PALLD: variants seen among roughly 807,000 people sequenced by gnomAD.
The protein encoded by PALLD is palladin, cytoskeletal associated protein, also known as palladin.
PALLD carries 61 observed loss-of-function variants against 123.5 expected under a neutral mutation model. The ratio of observed to expected loss-of-function variants is 0.49; its 90% CI spans 0.40 to 0.61. The LOEUF (loss-of-function observed/expected upper bound fraction) is 0.61. Among genes scored for constraint, PALLD ranks in the 20% least tolerant of loss-of-function variants. PALLD has a pLI of 0.00. For synonymous variants in PALLD, 465 were observed against 496.4 expected (o/e 0.94, Z 0.84); for missense variants, 1,273 against 1,377.0 (o/e 0.92, Z 1.20).
At chr4:168,771,973 ATAAT>A (rs1734519070) in intron 10 of PALLD, among the ~76,000 whole-genome samples, 4 of 152,322 alleles carry the variant, frequency 2.6e-5, no homozygotes, top group Middle Eastern at 3.4e-3. Context: ...TTTTCTATTA[ATAAT>A]TAACCATTTT....
At chr4:168,802,627 TG>T (rs142349410) in intron 10 of PALLD, among the ~76,000 whole-genome samples, 7,937 of 152,174 alleles carry the variant, frequency 0.052, 708 homozygotes, top group African/African-American at 0.18. Context: ...ATGTAACTAC[TG>T]TTTGATAAAA....
At chr4:168,759,179 C>CAAAAAA (rs1175955888) in intron 10 of PALLD, among the ~76,000 whole-genome samples, 4 of 9,046 alleles carry the variant, frequency 4.4e-4, no homozygotes, top group Non-Finnish European at 4.5e-4. Flanking sequence ...GACTCCATCT[C>CAAAAAA]AAAAAAAAAA....
chr4:168,793,810 A>G, intron 10 of PALLD, among the ~76,000 whole-genome samples: 1 of 152,154 alleles, frequency 6.6e-6, no homozygotes, highest in Non-Finnish European at 1.5e-5. Flanking sequence ...GAGACCTCAT[A>G]GCTTTCTAGT....
At chr4:168,720,898 A>AT (rs1201279001) in intron 10 of PALLD, among the ~76,000 whole-genome samples, 2 of 152,168 alleles carry the variant, frequency 1.3e-5, no homozygotes, top group Admixed American at 6.5e-5. Flanking sequence ...CATCCTCATG[A>AT]TTTTTTAATG....
At chr4:168,896,632 CT>C in intron 13 of PALLD, 33 bp downstream of exon 13, 2 of 1,254,532 alleles carry the variant, frequency 1.6e-6, no homozygotes, top group South Asian at 1.3e-5. Context: ...TCCTTCCAGT[CT>C]TTCTCTGTGT....
At chr4:168,609,196 A>G (rs539266385) in intron 2 of PALLD, among the ~76,000 whole-genome samples, 212 of 152,130 alleles carry the variant, frequency 1.4e-3, no homozygotes, top group Non-Finnish European at 2.5e-3. Context: ...AGTGGCTTAC[A>G]TTAATAGGGG....
chr4:168,830,007 G>A lies in PALLD; in HGVS notation c.1965-60915G>A, dbSNP rs1283511004. 2.6e-5 allele frequency among the ~76,000 whole-genome samples: 4 copies of A among 152,118 alleles called. No homozygotes were observed. The East Asian group carries it at 5.8e-4, about 22-fold the overall frequency. Reference sequence around the variant, plus strand: ...AGCACTTTGGGAGGCCAAGGCAGGCGGATCACTTGAGGTCAGGAGTTCAAG... The same window carrying A: ...AGCACTTTGGGAGGCCAAGGCAGGCAGATCACTTGAGGTCAGGAGTTCAAG... On this transcript the variant is annotated intron_variant, in intron 10 of 21. Transcript: ENST00000505667.
At chr4:168,545,477 C>T (rs184179840) in intron 2 of PALLD, among the ~76,000 whole-genome samples, 10 of 151,694 alleles carry the variant, frequency 6.6e-5, no homozygotes, top group Non-Finnish European at 1.3e-4. Context: ...TGCAGTGAGC[C>T]GAGATTGCAC....
At chr4:168,916,682 T>TCC (rs1233150824) in intron 17 of PALLD, among the ~76,000 whole-genome samples, 6 of 81,608 alleles carry the variant, frequency 7.4e-5, no homozygotes, top group South Asian at 5.7e-4. Flanking sequence ...CATTTTCTAA[T>TCC]TCTTTTTTTT....
chr4:168,626,438 T>C (rs1350187057), intron 2 of PALLD, among the ~76,000 whole-genome samples: 2 of 140,092 alleles, frequency 1.4e-5, no homozygotes, highest in African/African-American at 2.7e-5. Flanking sequence ...GACTGGGCAC[T>C]GTGGCTCATG....
At chr4:168,555,665 G>A (rs1253036881) in intron 2 of PALLD, among the ~76,000 whole-genome samples, 3 of 152,170 alleles carry the variant, frequency 2.0e-5, no homozygotes, top group African/African-American at 4.8e-5. Flanking sequence ...GCAGAGTGCC[G>A]CAAAAGTAAG....
chr4:168,719,559 C>G (rs181158019), intron 10 of PALLD, among the ~76,000 whole-genome samples: 28 of 152,142 alleles, frequency 1.8e-4, no homozygotes, highest in Admixed American at 9.2e-4. Context: ...CATGCCCAGC[C>G]AAAAGTATTA....
intron 10 of PALLD, among the ~76,000 whole-genome samples, chr4:168,854,364 C>T (rs567232426): frequency 1.3e-5 from 2 of 152,298 alleles, no homozygotes; most frequent in African/African-American, 4.8e-5. Flanking sequence ...TGGAATGTTA[C>T]AATTCTAGCT....
At chr4:168,550,564 TGAGCTTCTAAA>T (rs1017850351) in intron 2 of PALLD, among the ~76,000 whole-genome samples, 2 of 140,186 alleles carry the variant, frequency 1.4e-5, no homozygotes, top group African/African-American at 5.0e-5. Flanking sequence ...GAGATATTTA[TGAGCTTCTAAA>T]GAGCCACTGG....
chr4:168,777,271 C>T (rs917048231), intron 10 of PALLD, among the ~76,000 whole-genome samples: 3 of 152,080 alleles, frequency 2.0e-5, no homozygotes, highest in Non-Finnish European at 4.4e-5. Flanking sequence ...AAGAGGGATA[C>T]GGAGGAGAAG....
Position 168,711,840 on chromosome 4 carries a change from T to G in PALLD, c.1881T>G (p.Ala627=). Reference sequence around the variant, plus strand: ...TAAATGGACTGATTAACGGCAAAGCTAACAGTAATAAATCTCTTCCAACAC... The same window carrying G: ...TAAATGGACTGATTAACGGCAAAGCGAACAGTAATAAATCTCTTCCAACAC... The part of the protein sequence containing the change: ...RGVNGLINGK[A]NSNKSLPTPA... Residue 627 remains alanine, a synonymous_variant, in exon 10 of 22, where the codon GCT becomes GCG. Transcript: ENST00000505667. 1 of 1,614,154 alleles carries G rather than the reference T, an allele frequency of 6.2e-7. No individual in the cohort carries two copies. Among genetic ancestry groups the G allele is most frequent in the South Asian group, 1.1e-5 (1 of 91,082 alleles).
intron 1 of PALLD, chr4:168,507,429 G>A: frequency 5.4e-6 from 1 of 186,012 alleles, no homozygotes; most frequent in Non-Finnish European, 1.1e-5. Flanking sequence ...CTTGTGCCCA[G>A]TCTCCAAGCG....
At chr4:168,924,180 C>A in intron 18 of PALLD, 75 bp from the exon 19 acceptor site, 2 of 1,342,598 alleles carry the variant, frequency 1.5e-6, no homozygotes, top group Non-Finnish European at 2.1e-6. Flanking sequence ...AAGCAATATT[C>A]CAAAAGCCTT....
At chr4:168,733,817 C>T (rs1215762262) in intron 10 of PALLD, among the ~76,000 whole-genome samples, 14 of 152,218 alleles carry the variant, frequency 9.2e-5, no homozygotes, top group Admixed American at 7.8e-4. Context: ...TCACTGCAAG[C>T]TCCGCCTCCC....
Sources: allele counts gnomAD v4.1 joint callset (sites outside exome capture counted in the v4.1 genomes callset), GRCh38; gene constraint gnomAD v4.1.1; transcripts MANE v1.5; gene names NCBI Gene and HGNC (gene_info 2026-07-23, HGNC 2026-07-21).